EPN2: variants seen among roughly 807,000 people sequenced by gnomAD.
EPN2 encodes the protein epsin-2.
Under a neutral mutation model 61.7 loss-of-function variants are expected in EPN2, and 34 were observed. The observed-to-expected ratio is 0.55, with a 90% CI of 0.42 to 0.73. The LOEUF (loss-of-function observed/expected upper bound fraction) is 0.73, where lower values mean the gene tolerates loss of function less well. Among genes scored for constraint, EPN2 ranks in the 30% least tolerant of loss-of-function variants. The pLI, the probability that EPN2 is intolerant of heterozygous loss-of-function variation, is 0.00. For missense variants in EPN2, 714 were observed against 839.2 expected, an observed-to-expected ratio of 0.85 and a Z score of 1.84; for synonymous variants, 349 against 353.6, an observed-to-expected ratio of 0.99 and a Z score of 0.15.
rs745423835 is a variant in EPN2, at chr17:19,331,853, C to A, written c.1412C>A (p.Ala471Asp). ...FDNLRTSKKT[A>D]ESVTSLPSQN... The stretch of plus-strand genomic sequence containing the variant: ...TGCCATATGTGTCCTTGTCTTGTAG[C>A]CGAATCTGTGACCTCTCTGCCATCC... The change falls in exon 10 of 11, where the codon GCC (alanine) becomes GAC (aspartate). Residue 471 changes from alanine (A) to aspartate (D), a missense_variant and splice_region_variant. Coordinates refer to ENST00000314728, the MANE Select transcript of EPN2 (RefSeq NM_014964.5). The A allele has an allele frequency of 1.2e-6, 2 of 1,613,744 alleles. No homozygotes were observed. The highest frequency in any genetic ancestry group is 3.3e-5 in the Admixed American group (2 of 60,024).
rs1907307791 is a variant in EPN2 at position 19,334,424 on chromosome 17, C to T, written c.*170C>T. 1 of 491,044 alleles carries T rather than the reference C, an allele frequency of 2.0e-6. No homozygotes were observed. The highest frequency in any genetic ancestry group is 3.3e-6 in the Non-Finnish European group (1 of 300,790). 30.4% of individuals were successfully genotyped at this position (491,044 alleles called of 1,614,324 possible). ...ACAGCCCCAACCCTCAGACCCTCGC[C>T]TTCCAAGGCAGGCCCCTCAGCCTGG... On this transcript the variant is annotated 3_prime_UTR_variant, in exon 11 of 11. Transcript: ENST00000314728. This position sits in a 1 kb window ranked among gnomAD's most constrained non-coding sequence, Gnocchi z 4.9.
intron 1 of EPN2, among the ~76,000 whole-genome samples, chr17:19,266,077 C>T (rs1047888893): frequency 3.3e-5 from 5 of 152,132 alleles, no homozygotes; most frequent in African/African-American, 1.2e-4. Flanking sequence ...CTGCCCTAAT[C>T]CTTTCTCCCA....
chr17:19,293,816 G>A (rs995391699), intron 4 of EPN2, among the ~76,000 whole-genome samples: 1 of 151,996 alleles, frequency 6.6e-6, no homozygotes, highest in Non-Finnish European at 1.5e-5. Context: ...GGCTGGGCGC[G>A]GTGGCTCATG....
chr17:19,312,357 G>A (rs1244315539), intron 6 of EPN2, among the ~76,000 whole-genome samples: 11 of 152,228 alleles, frequency 7.2e-5, no homozygotes, highest in Admixed American at 7.2e-4. Context: ...CAGTGCCTCA[G>A]TCTGCTCGTT....
In EPN2 at chr17:19,331,932, C is replaced by T. The variant is rs755304911; in HGVS notation, c.1491C>T (p.Val497=). ...PDPFESQPLT[V]ASSKPSSARK... is the part of the protein sequence containing the mutation. ...CCTTTGAGTCTCAACCCCTGACTGTCGCCTCAAGCAAGCCCAGCAGTGCCC... is the reference window on the plus strand; with the variant it reads ...CCTTTGAGTCTCAACCCCTGACTGTTGCCTCAAGCAAGCCCAGCAGTGCCC... The change falls in exon 10 of 11, where the codon GTC becomes GTT. Residue 497 remains valine, a synonymous_variant. Coordinates refer to ENST00000314728, the MANE Select transcript of EPN2 (RefSeq NM_014964.5). 41 of 1,614,052 alleles carry T rather than the reference C, an allele frequency of 2.5e-5. No individual in the cohort carries two copies. The highest frequency in any genetic ancestry group is 5.0e-5 in the Admixed American group (3 of 60,008).
intron 1 of EPN2, among the ~76,000 whole-genome samples, chr17:19,253,097 A>G (rs1026296739): frequency 6.6e-6 from 1 of 152,192 alleles, no homozygotes; most frequent in African/African-American, 2.4e-5. Context: ...CATCACTCCA[A>G]AAGAAAATCC....
At chr17:19,277,400 CA>C (rs58679739) in intron 1 of EPN2, among the ~76,000 whole-genome samples, 31,167 of 75,524 alleles carry the variant, frequency 0.41, 5,961 homozygotes, top group African/African-American at 0.68. Flanking sequence ...GACTCTGTCT[CA>C]AAAAAAAAAA....
intron 1 of EPN2, among the ~76,000 whole-genome samples, chr17:19,246,972 G>A (rs890033261): frequency 1.3e-5 from 2 of 151,996 alleles, no homozygotes; most frequent in Non-Finnish European, 2.9e-5. Flanking sequence ...GGGTTTCACC[G>A]TGTTAGCCAG....
chr17:19,311,635 G>A (rs1351636558), intron 5 of EPN2, among the ~76,000 whole-genome samples: 2 of 152,222 alleles, frequency 1.3e-5, no homozygotes, highest in Non-Finnish European at 2.9e-5. Context: ...AGCATACACA[G>A]TGGAGGTGGA....
At chr17:19,258,876 G>T (rs913980713) in intron 1 of EPN2, among the ~76,000 whole-genome samples, 22 of 152,312 alleles carry the variant, frequency 1.4e-4, no homozygotes, top group Middle Eastern at 3.4e-3. Flanking sequence ...GGGTGAGACC[G>T]CTGTGTCAAT....
intron 4 of EPN2, among the ~76,000 whole-genome samples, chr17:19,304,412 G>T (rs1268949136): frequency 1.3e-5 from 2 of 152,220 alleles, no homozygotes; most frequent in African/African-American, 4.8e-5. Context: ...CGCTGACCCT[G>T]TGCTCAGTGC....
chr17:19,297,412 C>T (rs1349920614), intron 4 of EPN2: 3 of 152,264 alleles, frequency 2.0e-5, no homozygotes, highest in African/African-American at 7.2e-5. Flanking sequence ...TCATTCACAA[C>T]CGTGTGACAT....
rs556009781 is a variant in EPN2, at chr17:19,285,032, C to T, written c.596-588C>T. Among the ~76,000 whole-genome samples, 1 of 152,320 alleles carries T rather than the reference C, an allele frequency of 6.6e-6. No homozygotes were observed. The highest frequency in any genetic ancestry group is 2.1e-4 in the South Asian group (1 of 4,826). On this transcript the variant is annotated intron_variant, in intron 3 of 10. Coordinates refer to ENST00000314728, the MANE Select transcript of EPN2 (RefSeq NM_014964.5). This position sits in a 1 kb window ranked among gnomAD's most constrained non-coding sequence, Gnocchi z 4.5. The stretch of plus-strand genomic sequence containing the variant: ...TGCACCAAAACAAATGAAGATTGCC[C>T]TTTAAGAAGTGAAATTGTTTTATTT...
intron 4 of EPN2, among the ~76,000 whole-genome samples, chr17:19,299,908 G>A (rs1905393784): frequency 6.6e-6 from 1 of 152,204 alleles, no homozygotes; most frequent in South Asian, 2.1e-4. Flanking sequence ...GCCATTATTT[G>A]TTTTCACCAG....
chr17:19,296,840 C>G (rs1231844838), intron 4 of EPN2: 1 of 152,430 alleles, frequency 6.6e-6, no homozygotes, highest in Non-Finnish European at 1.5e-5. Context: ...AACTCCTGGC[C>G]TCAAGCAATC....
intron 7 of EPN2, among the ~76,000 whole-genome samples, chr17:19,326,559 T>C (rs763056105): frequency 9.2e-5 from 14 of 151,712 alleles, no homozygotes; most frequent in Non-Finnish European, 1.5e-4. Context: ...TGGTGGTGGG[T>C]GCCTGTAGTC....
intron 1 of EPN2, among the ~76,000 whole-genome samples, chr17:19,255,800 A>G (rs2045070792): frequency 6.6e-6 from 1 of 150,942 alleles, no homozygotes; most frequent in Non-Finnish European, 1.5e-5. Context: ...TTATTTATTT[A>G]TTTGTAGAGA....
intron 7 of EPN2, among the ~76,000 whole-genome samples, chr17:19,320,273 T>C (rs1906581998): frequency 6.6e-6 from 1 of 152,226 alleles, no homozygotes; most frequent in Non-Finnish European, 1.5e-5. Flanking sequence ...CTGGCTGTAG[T>C]GGCTGTCTGT....
chr17:19,309,772 C>T, intron 4 of EPN2, 113 bp from the exon 5 acceptor site: 1 of 769,558 alleles, frequency 1.3e-6, no homozygotes, highest in Non-Finnish European at 2.3e-6. Context: ...TGGGCTACTG[C>T]TGGACCTTGC....
Sources: gnomAD v4.1 joint callset for allele counts (sites outside exome capture counted in the v4.1 genomes callset) on GRCh38, gnomAD v4.1.1 for gene constraint, Gnocchi (gnomAD v3.1) non-coding constraint, MANE v1.5 for transcripts, NCBI Gene and HGNC (gene_info 2026-07-23, HGNC 2026-07-21) for gene names.